The following ADAMTS2 variants were observed in gnomAD, a reference collection of about 807,000 sequenced individuals.
The protein encoded by ADAMTS2 is ADAM metallopeptidase with thrombospondin type 1 motif 2.
A neutral mutation model predicts 123.0 loss-of-function variants in ADAMTS2; 50 were observed. That is an observed-to-expected ratio of 0.41 (90% CI 0.32 to 0.51). The LOEUF (loss-of-function observed/expected upper bound fraction) is 0.51. ADAMTS2 is among the 20% of genes least tolerant of loss of function. The pLI is 0.35. For missense variants in ADAMTS2, 1,494 were observed against 1,705.2 expected (o/e 0.88, Z 2.18); for synonymous variants, 678 against 695.4 (o/e 0.98, Z 0.39).
At position 179,285,098 on chromosome 5, in the gene ADAMTS2, G is replaced by A. The variant is rs1392396910; in HGVS notation, c.535-12034C>T. ...GGGCACAGCACGTGATAAATCAGCC[G>A]ACTGGCAGCACCATCACCATCATGA... On this transcript the variant is annotated intron_variant, in intron 2 of 21. Transcript: ENST00000251582. The surrounding 1 kb of genome is among the most constrained non-coding windows in gnomAD (Gnocchi z 4.9). Among the ~76,000 whole-genome samples, 3 of 152,202 alleles carry A rather than the reference G, an allele frequency of 2.0e-5. No homozygotes were observed. The highest frequency in any genetic ancestry group is 2.1e-4 in the South Asian group (1 of 4,824).
intron 2 of ADAMTS2, among the ~76,000 whole-genome samples, chr5:179,277,416 C>T (rs1239217318): frequency 3.3e-4 from 18 of 53,978 alleles, no homozygotes; most frequent in South Asian, 2.1e-3. Context: ...GCTGACCCCC[C>T]GCGAGACCAA....
intron 21 of ADAMTS2, chr5:179,121,428 G>A: frequency 5.3e-6 from 2 of 376,364 alleles, no homozygotes; most frequent in Non-Finnish European, 4.7e-6. Flanking sequence ...CCCTTTACAA[G>A]CCATCACCAA....
chr5:179,261,426 A>G (rs556162715), intron 3 of ADAMTS2, among the ~76,000 whole-genome samples: 1 of 152,274 alleles, frequency 6.6e-6, no homozygotes, highest in South Asian at 2.1e-4. Flanking sequence ...AAGCGCTGGG[A>G]TTTCCTAATT....
intron 2 of ADAMTS2, among the ~76,000 whole-genome samples, chr5:179,342,094 C>G (rs1050861955): frequency 6.6e-6 from 1 of 152,198 alleles, no homozygotes; most frequent in Non-Finnish European, 1.5e-5. Flanking sequence ...TCATTGCTGA[C>G]CAGTACAGGG....
intron 10 of ADAMTS2, 79 bp from the exon 11 acceptor site, chr5:179,140,114 T>C (rs1475200037): frequency 1.2e-6 from 2 of 1,600,426 alleles, no homozygotes; most frequent in African/African-American, 2.7e-5. Context: ...CAGCCTGCAG[T>C]GTCTGGGACA....
At chr5:179,222,019 C>T (rs533212198) in intron 3 of ADAMTS2, among the ~76,000 whole-genome samples, 8 of 152,100 alleles carry the variant, frequency 5.3e-5, no homozygotes, top group African/African-American at 1.9e-4. Context: ...GAGACAGCAC[C>T]GAGAGGCCCC....
Position 179,228,464 on chromosome 5 carries a change from C to T in ADAMTS2, c.689-20749G>A, listed in dbSNP as rs904469429. On this transcript the variant is annotated intron_variant, in intron 3 of 21. Coordinates refer to ENST00000251582, the MANE Select transcript of ADAMTS2 (RefSeq NM_014244.5). This position sits in a 1 kb window ranked among gnomAD's most constrained non-coding sequence, Gnocchi z 5.2. The stretch of plus-strand genomic sequence containing the variant: ...GGACTTGCCCCAGCCTGAAGACCTC[C>T]GGGGCCCTGGCTCCTCCCTGCTCCA... Among the ~76,000 whole-genome samples the T allele has an allele frequency of 2.6e-5, 4 of 152,182 alleles. No homozygotes were observed. Among genetic ancestry groups the T allele is most frequent in the East Asian group, 1.9e-4 (1 of 5,172 alleles).
rs147775247 is a variant in ADAMTS2 at position 179,123,664 on chromosome 5, G to A, written c.2959-891C>T. Among the ~76,000 whole-genome samples, 140 of 152,298 alleles carry A rather than the reference G, an allele frequency of 9.2e-4. 1 individual carries two copies. Among genetic ancestry groups the A allele is most frequent in the African/African-American group, 3.3e-3 (137 of 41,566 alleles). On this transcript the variant is annotated intron_variant, in intron 19 of 21. Transcript: ENST00000251582. ...GGCTGGTCTCTAACACCTGAGTTCAGGCGATCCACCCGCCTGGGCCTCCCA... is the reference window on the plus strand; with the variant it reads ...GGCTGGTCTCTAACACCTGAGTTCAAGCGATCCACCCGCCTGGGCCTCCCA...
chr5:179,210,529 T>G (rs1561807490), intron 3 of ADAMTS2, among the ~76,000 whole-genome samples: 1 of 152,208 alleles, frequency 6.6e-6, no homozygotes, highest in South Asian at 2.1e-4. Context: ...TTCTAGAGCA[T>G]CCCTCCACCC....
chr5:179,178,185 G>A (rs1763969737), intron 5 of ADAMTS2, among the ~76,000 whole-genome samples: 1 of 152,252 alleles, frequency 6.6e-6, no homozygotes, highest in Non-Finnish European at 1.5e-5. Context: ...AGGCTGGAAA[G>A]ACCCGGCTTG....
intron 3 of ADAMTS2, among the ~76,000 whole-genome samples, chr5:179,223,607 C>T (rs915276414): frequency 7.9e-5 from 12 of 151,330 alleles, no homozygotes; most frequent in Admixed American, 4.0e-4. Flanking sequence ...TGAATGCACT[C>T]GCATACTCAC....
At chr5:179,338,463 C>T (rs1286244353) in intron 2 of ADAMTS2, among the ~76,000 whole-genome samples, 1 of 152,196 alleles carries the variant, frequency 6.6e-6, no homozygotes, top group Admixed American at 6.5e-5. Flanking sequence ...TGCTGGATCC[C>T]TCAGGCATCT....
intron 3 of ADAMTS2, among the ~76,000 whole-genome samples, chr5:179,210,218 C>T (rs1188235751): frequency 6.6e-6 from 1 of 152,212 alleles, no homozygotes; most frequent in Admixed American, 6.5e-5. Flanking sequence ...ATTCTGGCAC[C>T]AGAAGGTATC....
chr5:179,122,839 G>A (rs1406714658), intron 19 of ADAMTS2, 66 bp from the exon 20 acceptor site: 2 of 1,547,130 alleles, frequency 1.3e-6, no homozygotes, highest in Non-Finnish European at 1.7e-6. Context: ...CAGAGCTGGA[G>A]GAGCCCACAG....
intron 3 of ADAMTS2, among the ~76,000 whole-genome samples, chr5:179,239,754 C>T (rs766446177): frequency 5.9e-5 from 9 of 152,096 alleles, no homozygotes; most frequent in Middle Eastern, 3.4e-3. Context: ...GAGCCCTGGG[C>T]GCATCAACCC....
chr5:179,251,203 G>T (rs971141627), intron 3 of ADAMTS2, among the ~76,000 whole-genome samples: 1 of 152,246 alleles, frequency 6.6e-6, no homozygotes, highest in African/African-American at 2.4e-5. Flanking sequence ...TTCCACCCAT[G>T]CCCTTGTGAG....
In ADAMTS2 at chr5:179,345,194, G is replaced by A. The variant is rs1757905332; in HGVS notation, c.135C>T (p.Pro45=). 2 of 1,112,308 alleles carry A rather than the reference G, an allele frequency of 1.8e-6. No homozygotes were observed. Among genetic ancestry groups the A allele is most frequent in the African/African-American group, 3.3e-5 (2 of 59,954 alleles). The allele number at this position is 1,112,308 out of a possible 1,614,324, so 68.9% of individuals were successfully genotyped here. ...ANARLAAAAD[P]PGGPLGHGAE... is the part of the protein sequence containing the mutation. ...TAGGGGCCGGGCCGCACCTACCTGG[G>A]GGGTCGGCGGCGGCGGCGAGCCTGG... Residue 45 remains proline (P), a synonymous_variant, in exon 1 of 22, where the codon CCC becomes CCT. Transcript: ENST00000251582. The surrounding 1 kb of genome is among the most constrained non-coding windows in gnomAD (Gnocchi z 7.5).
At chr5:179,196,389 C>G (rs2113349339) in intron 4 of ADAMTS2, among the ~76,000 whole-genome samples, 1 of 152,306 alleles carries the variant, frequency 6.6e-6, no homozygotes, top group Admixed American at 6.5e-5. Flanking sequence ...TGTCTGCCCT[C>G]AGCAGAAGAG....
chr5:179,223,524 A>ATACATG (rs1429715223), intron 3 of ADAMTS2, among the ~76,000 whole-genome samples: 1 of 147,032 alleles, frequency 6.8e-6, no homozygotes, highest in East Asian at 2.2e-4. Flanking sequence ...ATGCACTCAC[A>ATACATG]CACATGCACT....
Sources: gnomAD v4.1 joint callset for allele counts (sites outside exome capture counted in the v4.1 genomes callset) on GRCh38, gnomAD v4.1.1 for gene constraint, Gnocchi (gnomAD v3.1) non-coding constraint, MANE v1.5 for transcripts, NCBI Gene and HGNC (gene_info 2026-07-23, HGNC 2026-07-21) for gene names.